The following SWAP70 variants were observed in gnomAD, a reference collection of about 807,000 sequenced individuals.
SWAP70 encodes the protein switch-associated protein 70.
Under a neutral mutation model 80.2 loss-of-function variants are expected in SWAP70, and 34 were observed. That is an observed-to-expected ratio of 0.42 (90% CI 0.32 to 0.56). The LOEUF (loss-of-function observed/expected upper bound fraction) is 0.56, where lower values mean the gene tolerates loss of function less well. Ranked by LOEUF, SWAP70 falls within the 20% of genes least tolerant of loss-of-function variation. The pLI is 0.09. For synonymous variants in SWAP70, 239 were observed against 238.5 expected (o/e 1.00, Z -0.02); for missense variants, 578 against 690.7 (o/e 0.84, Z 1.83).
At position 9,751,898 on chromosome 11, in the gene SWAP70, TG is replaced by T. The variant is rs1286569040; in HGVS notation, c.*1931del. 2.6e-5 allele frequency: 4 copies of T among 152,234 alleles called. No individual in the cohort carries two copies. The highest frequency in any genetic ancestry group is 2.6e-4 in the Admixed American group (4 of 15,288). 9.4% of individuals were successfully genotyped at this position (152,234 alleles called of 1,614,324 possible). On this transcript the variant is annotated 3_prime_UTR_variant, in exon 12 of 12. Coordinates refer to ENST00000318950, the MANE Select transcript of SWAP70 (RefSeq NM_015055.4). ...TGCCTTTGAAATTTGACAGCTGATT[TG>T]GGTGTTGGATTTCTGCCCAGCCATT...
At chr11:9,712,857 C>T (rs2132567) in intron 2 of SWAP70, among the ~76,000 whole-genome samples, 49,496 of 151,614 alleles carry the variant, frequency 0.33, 8,331 homozygotes, top group Non-Finnish European at 0.35. Context: ...CCACCACGCC[C>T]GGCTAATTTT....
Position 9,664,284 on chromosome 11 carries a change from C to T in SWAP70, c.99+6C>T. On this transcript the variant is annotated splice_donor_region_variant and intron_variant, in intron 1 of 11. Coordinates refer to ENST00000318950, the MANE Select transcript of SWAP70 (RefSeq NM_015055.4). The stretch of plus-strand genomic sequence containing the variant: ...TCTCCAAGTCCCAGCTCAAGGTGGG[C>T]GCCTCCTGACCCGGCCCCCCACCCG... 1.9e-6 allele frequency: 3 copies of T among 1,561,498 alleles called. No homozygotes were observed. The highest frequency in any genetic ancestry group is 2.6e-6 in the Non-Finnish European group (3 of 1,154,132).
In SWAP70 at chr11:9,738,285, G is replaced by C. The variant is rs772261605; in HGVS notation, c.1153G>C (p.Ala385Pro). 6.2e-7 allele frequency: 1 copy of C among 1,610,660 alleles called. No individual in the cohort carries two copies. The highest frequency in any genetic ancestry group is 1.7e-5 in the Admixed American group (1 of 59,556). Residue 385 changes from alanine (A) to proline (P), a missense_variant, in exon 8 of 12, where the codon GCC (alanine) becomes CCC (proline). Ala to Pro is a conservative substitution (Grantham distance 27). Transcript: ENST00000318950. ...CCTTCAGACTCAAGTGGAACTTCAG[G>C]CCAGGTTCAGCACAGAGCTGGAAAG... is the stretch of plus-strand genomic sequence containing the variant. ...KRLQTQVELQ[A>P]RFSTELEREK...
intron 2 of SWAP70, among the ~76,000 whole-genome samples, chr11:9,696,654 A>G (rs1026434209): frequency 4.6e-5 from 7 of 151,922 alleles, no homozygotes; most frequent in Non-Finnish European, 7.4e-5. Flanking sequence ...TAAGCAACTT[A>G]TTTTTTTAAT....
At chr11:9,672,750 A>C (rs529576527) in intron 1 of SWAP70, among the ~76,000 whole-genome samples, 2 of 152,138 alleles carry the variant, frequency 1.3e-5, no homozygotes, top group African/African-American at 4.8e-5. Flanking sequence ...TAATTAGTAA[A>C]TATTGGCCTT....
At chr11:9,675,001 T>G in intron 1 of SWAP70, among the ~76,000 whole-genome samples, 1 of 146,258 alleles carries the variant, frequency 6.8e-6, no homozygotes, top group East Asian at 2.1e-4. Flanking sequence ...ATTTAAAAAA[T>G]AGAAGCCACT....
chr11:9,712,684 T>G (rs966858673), intron 2 of SWAP70, among the ~76,000 whole-genome samples: 2 of 152,082 alleles, frequency 1.3e-5, no homozygotes, highest in African/African-American at 2.4e-5. Context: ...GCAGGATTGT[T>G]GTTTTAGAAT....
chr11:9,671,873 T>A (rs1415281827), intron 1 of SWAP70, among the ~76,000 whole-genome samples: 1 of 101,744 alleles, frequency 9.8e-6, no homozygotes, highest in Non-Finnish European at 1.7e-5. Context: ...TATTTATAAT[T>A]TAAATATAAT....
chr11:9,725,414 T>C lies in SWAP70; in HGVS notation c.642+529T>C, dbSNP rs111518535. Among the ~76,000 whole-genome samples the C allele has an allele frequency of 5.0e-3, 734 of 146,838 alleles. 5 individuals are homozygous for C. Among genetic ancestry groups the C allele is most frequent in the African/African-American group, 0.017 (697 of 40,364 alleles). ...ATATATATATTTTGGCTGGACGTGG[T>C]GGCTCATGCCTGTAATCCCAGCACT... On this transcript the variant is annotated intron_variant, in intron 4 of 11. Transcript: ENST00000318950.
At chr11:9,674,380 C>T (rs946184367) in intron 1 of SWAP70, among the ~76,000 whole-genome samples, 16 of 152,002 alleles carry the variant, frequency 1.1e-4, no homozygotes, top group African/African-American at 3.6e-4. Flanking sequence ...TCAATAAAAT[C>T]GAACTATAGA....
At chr11:9,720,772 C>A (rs1381526055) in intron 3 of SWAP70, among the ~76,000 whole-genome samples, 1 of 152,046 alleles carries the variant, frequency 6.6e-6, no homozygotes, top group Non-Finnish European at 1.5e-5. Flanking sequence ...TCTTAATGTC[C>A]TTTTTGACTC....
chr11:9,711,243 A>T (rs1004606693), intron 2 of SWAP70, among the ~76,000 whole-genome samples: 2 of 152,138 alleles, frequency 1.3e-5, no homozygotes, highest in African/African-American at 4.8e-5. Context: ...TTTAAAATGA[A>T]GAGTGTGTCT....
In SWAP70 at chr11:9,673,046, A is replaced by G. The variant is rs1160142361; in HGVS notation, c.99+8768A>G. ...ACACCAAGTAAGCAATCAGTTCTGC[A>G]GTGGACACCAGCTGGGTATCCTCCA... On this transcript the variant is annotated intron_variant, in intron 1 of 11. Coordinates refer to ENST00000318950, the MANE Select transcript of SWAP70 (RefSeq NM_015055.4). 3.3e-5 allele frequency among the ~76,000 whole-genome samples: 5 copies of G among 152,270 alleles called. No homozygotes were observed. In the East Asian group the frequency reaches 5.8e-4, roughly 18 times the overall value.
In SWAP70 at chr11:9,724,958, A is replaced by G. The variant is rs564839777; in HGVS notation, c.642+73A>G. The G allele has an allele frequency of 2.0e-5, 22 of 1,090,126 alleles. No homozygotes were observed. The East Asian group carries it at 3.7e-4, about 19-fold the overall frequency. The allele number at this position is 1,090,126 out of a possible 1,614,324, so 67.5% of individuals were successfully genotyped here. A position where few individuals can be genotyped will look rare whatever the true frequency, so the allele number is the denominator to read the frequency against. On this transcript the variant is annotated intron_variant, in intron 4 of 11. Transcript: ENST00000318950. ...TTTTAAAATTAATATTTTTGTCACA[A>G]AGATGAGTATAAGTCACTTATTTTC...
At position 9,664,287 on chromosome 11, in the gene SWAP70, C is replaced by G; in HGVS notation, c.99+9C>G. On this transcript the variant is annotated intron_variant, in intron 1 of 11. Coordinates refer to ENST00000318950, the MANE Select transcript of SWAP70 (RefSeq NM_015055.4). ...CCAAGTCCCAGCTCAAGGTGGGCGCCTCCTGACCCGGCCCCCCACCCGACC... is the reference window on the plus strand; with the variant it reads ...CCAAGTCCCAGCTCAAGGTGGGCGCGTCCTGACCCGGCCCCCCACCCGACC... 6.4e-7 allele frequency: 1 copy of G among 1,559,330 alleles called. No homozygotes were observed. The highest frequency in any genetic ancestry group is 8.7e-7 in the Non-Finnish European group (1 of 1,152,936).
At chr11:9,725,530 A>AATATATAT (rs1211819180) in intron 4 of SWAP70, among the ~76,000 whole-genome samples, 24 of 60,550 alleles carry the variant, frequency 4.0e-4, no homozygotes, top group South Asian at 8.4e-4. Flanking sequence ...AAAAATACAA[A>AATATATAT]ATATATATAT....
chr11:9,747,890 A>G lies in SWAP70; in HGVS notation c.1388A>G (p.Glu463Gly). ...LLEEESSKRA[E>G]LEKWHLEQQQ... ...GAGGAAGAGTCTTCCAAGAGGGCTGAACTAGAAAAGTGGCACTTGGAGCAG... is the reference window on the plus strand; with the variant it reads ...GAGGAAGAGTCTTCCAAGAGGGCTGGACTAGAAAAGTGGCACTTGGAGCAG... The change falls in exon 10 of 12, where the codon GAA becomes GGA. Residue 463 changes from glutamate (E) to glycine (G), a missense_variant. Glu to Gly is a moderately conservative substitution (Grantham distance 98). Coordinates refer to ENST00000318950, the MANE Select transcript of SWAP70 (RefSeq NM_015055.4). The G allele has an allele frequency of 6.2e-7, 1 of 1,614,184 alleles. No individual in the cohort carries two copies. The highest frequency in any genetic ancestry group is 1.1e-5 in the South Asian group (1 of 91,088).
At chr11:9,713,083 G>A (rs1471704002) in intron 2 of SWAP70, among the ~76,000 whole-genome samples, 1 of 152,198 alleles carries the variant, frequency 6.6e-6, no homozygotes, top group Non-Finnish European at 1.5e-5. Context: ...CCATGTGCTA[G>A]GATTGGTAGC....
chr11:9,708,487 G>T (rs183893713), intron 2 of SWAP70, among the ~76,000 whole-genome samples: 1 of 152,064 alleles, frequency 6.6e-6, no homozygotes, highest in Non-Finnish European at 1.5e-5. Context: ...TTTAAAATTC[G>T]CTTATTTGTT....
Sources: gnomAD v4.1 joint callset for allele counts (sites outside exome capture counted in the v4.1 genomes callset) on GRCh38, gnomAD v4.1.1 for gene constraint, MANE v1.5 for transcripts, NCBI Gene and HGNC (gene_info 2026-07-23, HGNC 2026-07-21) for gene names.